The following ATP6V0D2 variants were observed in gnomAD, a reference collection of about 807,000 sequenced individuals.
The protein encoded by ATP6V0D2 is ATPase H+ transporting V0 subunit d2.
ATP6V0D2 carries 40 observed loss-of-function variants against 40.0 expected under a neutral mutation model. That is an observed-to-expected ratio of 1.00 (90% CI 0.78 to 1.30). The LOEUF (loss-of-function observed/expected upper bound fraction) is 1.30, where lower values mean the gene tolerates loss of function less well. Ranked by LOEUF, ATP6V0D2 falls within the 50% of genes most tolerant of loss-of-function variation. The pLI is 0.00. For synonymous variants in ATP6V0D2, 179 were observed against 156.3 expected, an observed-to-expected ratio of 1.15 and a Z score of -1.08; for missense variants, 470 against 423.1, an observed-to-expected ratio of 1.11 and a Z score of -0.97.
At chr8:86,119,222 A>G (rs1818635695) in intron 2 of ATP6V0D2, among the ~76,000 whole-genome samples, 1 of 147,292 alleles carries the variant, frequency 6.8e-6, no homozygotes, top group Admixed American at 7.0e-5. Context: ...TTGTTTCCTA[A>G]TCATAGGATC....
chr8:86,110,242 A>G (rs577015369), intron 1 of ATP6V0D2, among the ~76,000 whole-genome samples: 2 of 152,062 alleles, frequency 1.3e-5, no homozygotes, highest in Non-Finnish European at 2.9e-5. Context: ...TTACAGGCGC[A>G]CACCACCACA....
intron 3 of ATP6V0D2, among the ~76,000 whole-genome samples, chr8:86,140,313 T>C (rs908520776): frequency 1.3e-5 from 2 of 152,028 alleles, no homozygotes; most frequent in African/African-American, 4.8e-5. Context: ...CTGTTTAAGA[T>C]AGATATTTTA....
At position 86,150,217 on chromosome 8, in the gene ATP6V0D2, C is replaced by T. The variant is rs187338795; in HGVS notation, c.745C>T (p.Pro249Ser). 14 of 1,613,112 alleles carry T rather than the reference C, an allele frequency of 8.7e-6. No individual in the cohort carries two copies. In the East Asian group the frequency reaches 2.2e-4, roughly 26 times the overall value. ...TLYPTFGKLY[P>S]EGLRLLAQAE... ...CTATCCAACCTTCGGCAAACTCTAT[C>T]CTGAGGGGTTGCGGCTGTTGGCTCA... The change falls in exon 6 of 8, where the codon CCT (proline) becomes TCT (serine). Residue 249 changes from proline (P) to serine (S), a missense_variant. Physicochemically the swap from Pro to Ser is moderately conservative, Grantham distance 74. Transcript: ENST00000285393.
intron 1 of ATP6V0D2, among the ~76,000 whole-genome samples, chr8:86,110,694 C>A (rs1297153940): frequency 2.0e-5 from 3 of 152,150 alleles, no homozygotes; most frequent in Admixed American, 2.0e-4. Context: ...ACGTGCAAGA[C>A]AATCAGTAAA....
intron 1 of ATP6V0D2, among the ~76,000 whole-genome samples, chr8:86,107,138 A>G (rs1052956475): frequency 2.0e-5 from 3 of 152,212 alleles, no homozygotes; most frequent in African/African-American, 7.2e-5. Context: ...AATGGTTCAA[A>G]CCTATTGATA....
At chr8:86,152,780 A>G (rs1406621298) in intron 7 of ATP6V0D2, 36 bp from the exon 8 acceptor site, 2 of 1,563,132 alleles carry the variant, frequency 1.3e-6, no homozygotes, top group Non-Finnish European at 1.7e-6. Flanking sequence ...GTTCCAAATA[A>G]GTTGATGATC....
chr8:86,144,858 G>A (rs995660274), intron 5 of ATP6V0D2, among the ~76,000 whole-genome samples: 1 of 151,666 alleles, frequency 6.6e-6, no homozygotes, highest in African/African-American at 2.4e-5. Flanking sequence ...AAAAAAGTTT[G>A]AAAAGACCAG....
At position 86,153,112 on chromosome 8, in the gene ATP6V0D2, A is replaced by G. The variant is rs1819179660; in HGVS notation, c.*135A>G. The G allele has an allele frequency of 1.0e-5, 7 of 688,754 alleles. No individual in the cohort carries two copies. In the South Asian group the frequency reaches 1.1e-4, roughly 11 times the overall value. The allele number at this position is 688,754 out of a possible 1,614,324, so 42.7% of individuals were successfully genotyped here. On this transcript the variant is annotated 3_prime_UTR_variant, in exon 8 of 8. Transcript: ENST00000285393. The stretch of plus-strand genomic sequence containing the variant: ...CTATATCTTCATGAGTTGCAAATCC[A>G]TGGAAACACAGTAAACCAGCCCTGA...
chr8:86,112,935 C>G (rs1251492786), intron 1 of ATP6V0D2, among the ~76,000 whole-genome samples: 1 of 152,112 alleles, frequency 6.6e-6, no homozygotes, highest in Non-Finnish European at 1.5e-5. Flanking sequence ...ATTTCTTCGT[C>G]TGTAATAAAA....
At chr8:86,142,507 C>T (rs1314272322) in intron 4 of ATP6V0D2, among the ~76,000 whole-genome samples, 2 of 152,188 alleles carry the variant, frequency 1.3e-5, no homozygotes, top group Non-Finnish European at 2.9e-5. Flanking sequence ...TGTGCCTCTA[C>T]AAGAGACTAA....
rs1321086108 is a variant in ATP6V0D2 at position 86,141,457 on chromosome 8, C to T, written c.489C>T (p.Phe163=). 10 of 1,610,362 alleles carry T rather than the reference C, an allele frequency of 6.2e-6. No homozygotes were observed. The highest frequency in any genetic ancestry group is 2.7e-5 in the African/African-American group (2 of 74,964). Residue 163 remains phenylalanine, a synonymous_variant, in exon 4 of 8, where the codon TTC becomes TTT. Coordinates refer to ENST00000285393, the MANE Select transcript of ATP6V0D2 (RefSeq NM_152565.1). The stretch of plus-strand genomic sequence containing the variant: ...GGCAATTTCTGCTTTCAGCTCCATT[C>T]TTCCAAGACTGCATGTCTGAAAATG... The part of the protein sequence containing the change: ...AILIETPLAP[F]FQDCMSENAL...
chr8:86,152,005 C>T (rs1819161196), intron 7 of ATP6V0D2, among the ~76,000 whole-genome samples: 1 of 151,782 alleles, frequency 6.6e-6, no homozygotes, highest in East Asian at 1.9e-4. Context: ...ATACGTGTGC[C>T]ATGGTGGGTT....
At chr8:86,149,676 T>G (rs968232347) in intron 5 of ATP6V0D2, among the ~76,000 whole-genome samples, 3 of 152,212 alleles carry the variant, frequency 2.0e-5, no homozygotes, top group African/African-American at 7.2e-5. Flanking sequence ...GGAAGGGATA[T>G]TAACATGTAT....
At chr8:86,101,602 G>A (rs1178839580) in intron 1 of ATP6V0D2, among the ~76,000 whole-genome samples, 2 of 151,888 alleles carry the variant, frequency 1.3e-5, no homozygotes, top group African/African-American at 2.4e-5. Flanking sequence ...ATAGAAGGAG[G>A]AAGAAATGAG....
intron 2 of ATP6V0D2, among the ~76,000 whole-genome samples, chr8:86,130,413 G>A (rs2130259311): frequency 6.6e-6 from 1 of 152,222 alleles, no homozygotes; most frequent in East Asian, 1.9e-4. Context: ...GAAACTCTCT[G>A]TACCATCATC....
chr8:86,105,038 C>T (rs1818451492), intron 1 of ATP6V0D2, among the ~76,000 whole-genome samples: 1 of 152,206 alleles, frequency 6.6e-6, no homozygotes, highest in South Asian at 2.1e-4. Context: ...GACCATCTCC[C>T]TTTAAAGTCT....
rs1819151344 is a variant in ATP6V0D2 at position 86,151,474 on chromosome 8, A to C, written c.825A>C (p.Lys275Asn). The C allele has an allele frequency of 6.2e-7, 1 of 1,602,262 alleles. No individual in the cohort carries two copies. Among genetic ancestry groups the C allele is most frequent in the Admixed American group, 1.7e-5 (1 of 58,430 alleles). ...KNVADHYGVY[K>N]PLFEAVGGSG... ...ATGTCTTTGTTTTTAAGGTATACAA[A>C]CCTTTATTTGAAGCTGTAGGTGGCA... Residue 275 changes from lysine (K) to asparagine (N), a missense_variant, in exon 7 of 8, where the codon AAA (lysine) becomes AAC (asparagine). Transcript: ENST00000285393.
intron 2 of ATP6V0D2, among the ~76,000 whole-genome samples, chr8:86,134,744 A>G (rs2626326): frequency 0.83 from 126,373 of 152,132 alleles, 52,602 homozygotes; most frequent in Middle Eastern, 0.88. Flanking sequence ...GTTGTTATTC[A>G]TAATAGCCAA....
intron 2 of ATP6V0D2, among the ~76,000 whole-genome samples, chr8:86,138,076 CG>C (rs930049756): frequency 2.0e-5 from 3 of 152,248 alleles, no homozygotes; most frequent in Admixed American, 6.5e-5. Context: ...TCTTGTCTTT[CG>C]GGGCCCAACA....
Sources: allele counts gnomAD v4.1 joint callset (sites outside exome capture counted in the v4.1 genomes callset), GRCh38; gene constraint gnomAD v4.1.1; transcripts MANE v1.5; gene names NCBI Gene and HGNC (gene_info 2026-07-23, HGNC 2026-07-21).